The following BRWD1 variants were observed in gnomAD, a reference collection of about 807,000 sequenced individuals.
BRWD1 encodes the protein bromodomain and WD repeat-containing protein 1.
A neutral mutation model predicts 251.2 loss-of-function variants in BRWD1; 82 were observed. That is an observed-to-expected ratio of 0.33 (90% CI 0.27 to 0.39). The LOEUF (loss-of-function observed/expected upper bound fraction) is 0.39. BRWD1 is among the 10% of genes least tolerant of loss of function. The pLI is 1.00. For synonymous variants in BRWD1, 918 were observed against 902.8 expected (o/e 1.02, Z -0.30); for missense variants, 2,233 against 2,711.6 (o/e 0.82, Z 3.92).
At chr21:39,252,154 C>T (rs2034414949) in intron 19 of BRWD1, among the ~76,000 whole-genome samples, 1 of 149,648 alleles carries the variant, frequency 6.7e-6, no homozygotes. Context: ...GAGGCTGAGG[C>T]AGGAGAATCG....
chr21:39,320,820 A>C, intron 1 of BRWD1, among the ~76,000 whole-genome samples: 1 of 151,710 alleles, frequency 6.6e-6, no homozygotes, highest in South Asian at 2.1e-4. Flanking sequence ...GGTGCACACC[A>C]CCACATCCAG....
Position 39,255,771 on chromosome 21 carries a change from C to T in BRWD1, c.2129G>A (p.Ser710Asn). Residue 710 changes from serine to asparagine, a missense_variant, in exon 19 of 41, where the codon AGT becomes AAT. By Grantham distance (46) the Ser-to-Asn change is conservative. Around this residue, in one of 12 missense-constraint regions of BRWD1, gnomAD observed 35 missense variants for 76.3 expected, o/e 0.46. Coordinates refer to ENST00000342449, the MANE Select transcript of BRWD1 (RefSeq NM_033656.4). ...CTGACGAACACCTTCAACTTGTCCA[C>T]TACGACGCAGACCAATATTTGGAGG... is the stretch of plus-strand genomic sequence containing the variant. Reference protein sequence around the residue: ...QSPPNIGLRRSGQVEGVRQMH... With the variant: ...QSPPNIGLRRNGQVEGVRQMH... The T allele has an allele frequency of 6.2e-7, 1 of 1,614,214 alleles. No individual in the cohort carries two copies. Among genetic ancestry groups the T allele is most frequent in the Non-Finnish European group, 8.5e-7 (1 of 1,180,042 alleles).
Position 39,313,318 on chromosome 21 carries a change from T to G in BRWD1, c.50-19A>C. 6.6e-7 allele frequency: 1 copy of G among 1,523,434 alleles called. No homozygotes were observed. The highest frequency in any genetic ancestry group is 8.9e-7 in the Non-Finnish European group (1 of 1,123,984). 94.4% of individuals were successfully genotyped at this position (1,523,434 alleles called of 1,614,324 possible). A position where few individuals can be genotyped will look rare whatever the true frequency, so the allele number is the denominator to read the frequency against. ...TACAGCTCTGCGGGAAGACAAGGAG[T>G]CAGGTCAAGCCCCGGCGGGGAGGGG... On this transcript the variant is annotated intron_variant, in intron 1 of 40. Transcript: ENST00000342449.
intron 32 of BRWD1, among the ~76,000 whole-genome samples, chr21:39,214,202 T>C (rs926480765): frequency 6.6e-6 from 1 of 152,066 alleles, no homozygotes; most frequent in Admixed American, 6.6e-5. Context: ...GATGGCACTG[T>C]TTCTAAATTA....
intron 20 of BRWD1, among the ~76,000 whole-genome samples, chr21:39,250,390 A>G (rs966136309): frequency 6.6e-6 from 1 of 152,228 alleles, no homozygotes; most frequent in African/African-American, 2.4e-5. Context: ...AAAATGGTCC[A>G]CAGGGAAGCA....
intron 28 of BRWD1, 144 bp downstream of exon 28, chr21:39,224,942 T>C: frequency 3.2e-6 from 2 of 630,630 alleles, no homozygotes; most frequent in Non-Finnish European, 5.6e-6. Flanking sequence ...TAGGTGCATG[T>C]CTGAGAGACA....
chr21:39,199,971 C>T (rs112538900), intron 39 of BRWD1, among the ~76,000 whole-genome samples: 38 of 152,258 alleles, frequency 2.5e-4, no homozygotes, highest in African/African-American at 8.4e-4. Flanking sequence ...AGGCTGGTCT[C>T]GAAACTCCTG....
At position 39,278,649 on chromosome 21, in the gene BRWD1, C is replaced by T. The variant is rs374364682; in HGVS notation, c.1003+94G>A. On this transcript the variant is annotated intron_variant, in intron 10 of 40. Coordinates refer to ENST00000342449, the MANE Select transcript of BRWD1 (RefSeq NM_033656.4). ...TGAAATAAACACCAGAAGTCATTTA[C>T]CATGTAGCTAATAAAAGTTCTTAGC... 1.5e-4 allele frequency: 127 copies of T among 861,256 alleles called. No individual in the cohort carries two copies. The Middle Eastern group carries it at 3.0e-3, about 20-fold the overall frequency. 53.4% of individuals were successfully genotyped at this position (861,256 alleles called of 1,614,324 possible). A position where few individuals can be genotyped will look rare whatever the true frequency, so the allele number is the denominator to read the frequency against.
intron 4 of BRWD1, among the ~76,000 whole-genome samples, chr21:39,301,591 T>C (rs1263361272): frequency 6.6e-6 from 1 of 152,182 alleles, no homozygotes; most frequent in South Asian, 2.1e-4. Flanking sequence ...ATATTTTGAC[T>C]GCACCTTCAG....
chr21:39,215,861 G>A (rs879659775), intron 31 of BRWD1, among the ~76,000 whole-genome samples: 5 of 152,120 alleles, frequency 3.3e-5, no homozygotes, highest in East Asian at 1.9e-4. Context: ...TTAGCCAGGC[G>A]TACTGGTGCG....
chr21:39,267,706 T>C (rs1344856070), intron 15 of BRWD1, among the ~76,000 whole-genome samples: 1 of 152,202 alleles, frequency 6.6e-6, no homozygotes, highest in Non-Finnish European at 1.5e-5. Context: ...AAAACCCTTT[T>C]ACACAATAAT....
chr21:39,284,173 A>G (rs961875623), intron 8 of BRWD1, among the ~76,000 whole-genome samples: 1 of 152,230 alleles, frequency 6.6e-6, no homozygotes, highest in African/African-American at 2.4e-5. Flanking sequence ...ATATATAGCC[A>G]ATCTTTTTTT....
rs775782176 is a variant in BRWD1, at chr21:39,202,472, T to C, written c.4438A>G (p.Thr1480Ala). The change falls in exon 38 of 41, where the codon ACC (threonine) becomes GCC (alanine). Residue 1480 changes from threonine to alanine, a missense_variant. By Grantham distance (58) the Thr-to-Ala change is moderately conservative (BLOSUM62 0). Transcript: ENST00000342449. Reference sequence around the variant, plus strand: ...CCAAGATAAGCTGTCCTACTTGAGGTAGACTGGGTAGGAGAACCTACCAAC... The same window carrying C: ...CCAAGATAAGCTGTCCTACTTGAGGCAGACTGGGTAGGAGAACCTACCAAC... The part of the protein sequence containing the change: ...PELVGSPTQS[T>A]SSRTAYLGTH... 1.5e-5 allele frequency: 25 copies of C among 1,613,986 alleles called. No homozygotes were observed. Among genetic ancestry groups the C allele is most frequent in the Middle Eastern group, 1.6e-4 (1 of 6,082 alleles).
chr21:39,268,017 T>C (rs1001497067), intron 15 of BRWD1, among the ~76,000 whole-genome samples: 3 of 151,906 alleles, frequency 2.0e-5, no homozygotes, highest in Admixed American at 6.6e-5. Flanking sequence ...AACTTAGAAG[T>C]TGGAGGAGGA....
intron 29 of BRWD1, among the ~76,000 whole-genome samples, chr21:39,221,284 C>T (rs1268942156): frequency 1.3e-5 from 2 of 151,872 alleles, no homozygotes; most frequent in African/African-American, 4.8e-5. Context: ...AACTTGATGC[C>T]CCCCAAACGG....
intron 23 of BRWD1, among the ~76,000 whole-genome samples, chr21:39,232,789 C>A (rs1215675313): frequency 6.6e-6 from 1 of 152,132 alleles, no homozygotes; most frequent in Non-Finnish European, 1.5e-5. Flanking sequence ...AGCCTAAATC[C>A]TCTTTTACCC....
At chr21:39,278,423 G>A (rs1389256535) in intron 10 of BRWD1, 2 of 269,114 alleles carry the variant, frequency 7.4e-6, no homozygotes, top group Non-Finnish European at 1.4e-5. Flanking sequence ...AACATACACA[G>A]TTTAGCCTAT....
At chr21:39,288,658 G>A (rs1391934865) in intron 8 of BRWD1, among the ~76,000 whole-genome samples, 3 of 152,110 alleles carry the variant, frequency 2.0e-5, no homozygotes, top group African/African-American at 4.8e-5. Flanking sequence ...TGCATGAACA[G>A]TCAATTAACA....
intron 36 of BRWD1, among the ~76,000 whole-genome samples, chr21:39,207,804 T>C (rs1046466020): frequency 8.5e-5 from 13 of 152,208 alleles, no homozygotes; most frequent in African/African-American, 3.1e-4. Context: ...CACACTTTAA[T>C]ATTATTCAGC....
Sources: allele counts gnomAD v4.1 joint callset (sites outside exome capture counted in the v4.1 genomes callset), GRCh38; gene constraint gnomAD v4.1.1; regional missense constraint gnomAD v4.1.1; transcripts MANE v1.5; gene names NCBI Gene and HGNC (gene_info 2026-07-23, HGNC 2026-07-21).